Variants in CNTNAP5 observed in about 807,000 individuals in gnomAD.
The protein encoded by CNTNAP5 is contactin associated protein family member 5.
In CNTNAP5, 72 loss-of-function variants were observed where a neutral mutation model predicts 150.2. That is an observed-to-expected ratio of 0.48 (90% CI 0.40 to 0.58). The LOEUF is 0.58. Among genes scored for constraint, CNTNAP5 ranks in the 20% least tolerant of loss-of-function variants. The probability of loss-of-function intolerance (pLI) is 0.00; values close to 1 mark genes in which losing one functional copy is unlikely to be tolerated. For missense variants in CNTNAP5, 1,636 were observed against 1,626.2 expected (o/e 1.01, Z -0.10); for synonymous variants, 672 against 619.8 (o/e 1.08, Z -1.25).
intron 1 of CNTNAP5, among the ~76,000 whole-genome samples, chr2:124,038,073 A>G (rs932993437): frequency 5.3e-5 from 8 of 152,154 alleles, no homozygotes; most frequent in Non-Finnish European, 7.3e-5. Context: ...TTTTTACCCA[A>G]TAGGGATAGA....
chr2:124,055,909 G>T (rs573292381), intron 1 of CNTNAP5, among the ~76,000 whole-genome samples: 46 of 151,588 alleles, frequency 3.0e-4, no homozygotes, highest in African/African-American at 9.5e-4. Context: ...TCCCTCTCCC[G>T]CACCATCCAT....
At chr2:124,355,385 C>A (rs955116912) in intron 3 of CNTNAP5, among the ~76,000 whole-genome samples, 2 of 152,024 alleles carry the variant, frequency 1.3e-5, no homozygotes, top group African/African-American at 4.8e-5. Context: ...CTTTTCTTAC[C>A]CTAAACTTTC....
At chr2:124,909,067 T>C (rs933825085) in intron 22 of CNTNAP5, among the ~76,000 whole-genome samples, 5 of 152,118 alleles carry the variant, frequency 3.3e-5, no homozygotes, top group African/African-American at 1.2e-4. Flanking sequence ...ATAAATGTAG[T>C]GTAGCCTAAG....
rs570594994 is a variant in CNTNAP5, at chr2:124,534,132, G to T, written c.1649+6676G>T. The stretch of plus-strand genomic sequence containing the variant: ...TAGATAACATGGACATACAGACTTA[G>T]AGAGTGTGGAATGATAGGCCATGGA... On this transcript the variant is annotated intron_variant, in intron 10 of 23. Transcript: ENST00000682447. Among the ~76,000 whole-genome samples, 11 of 152,280 alleles carry T rather than the reference G, an allele frequency of 7.2e-5. 1 individual carries two copies. The South Asian group carries it at 2.3e-3, about 32-fold the overall frequency.
intron 3 of CNTNAP5, among the ~76,000 whole-genome samples, chr2:124,258,526 T>C (rs1014702269): frequency 9.2e-5 from 14 of 152,168 alleles, no homozygotes; most frequent in African/African-American, 3.4e-4. Flanking sequence ...CAGTACATTC[T>C]CTCACCCTTC....
intron 1 of CNTNAP5, among the ~76,000 whole-genome samples, chr2:124,217,993 T>C (rs965527808): frequency 6.6e-6 from 1 of 152,274 alleles, no homozygotes; most frequent in East Asian, 1.9e-4. Flanking sequence ...TAACCCTCAA[T>C]ATGCTTTCCA....
At chr2:124,540,928 G>A (rs1695367211) in intron 10 of CNTNAP5, among the ~76,000 whole-genome samples, 1 of 152,088 alleles carries the variant, frequency 6.6e-6, no homozygotes, top group African/African-American at 2.4e-5. Context: ...TGAGAGGAAG[G>A]CCACTTTATA....
intron 13 of CNTNAP5, among the ~76,000 whole-genome samples, chr2:124,666,828 C>T (rs773364451): frequency 5.9e-5 from 9 of 152,170 alleles, no homozygotes; most frequent in Non-Finnish European, 1.3e-4. Flanking sequence ...CGCATCCCAG[C>T]AGCTTGCGTT....
intron 3 of CNTNAP5, among the ~76,000 whole-genome samples, chr2:124,388,971 G>C (rs1429008748): frequency 1.3e-5 from 2 of 152,112 alleles, no homozygotes; most frequent in Non-Finnish European, 2.9e-5. Context: ...GACTTAACAG[G>C]GTTCATTCAT....
At chr2:124,099,047 CAAGG>C (rs1683004528) in intron 1 of CNTNAP5, among the ~76,000 whole-genome samples, 3 of 152,150 alleles carry the variant, frequency 2.0e-5, no homozygotes, top group Non-Finnish European at 4.4e-5. Flanking sequence ...GTGCAGTGCT[CAAGG>C]ACCTTCGTAA....
Position 124,409,685 on chromosome 2 carries a change from T to G in CNTNAP5, c.382-7758T>G, listed in dbSNP as rs1158147177. Among the ~76,000 whole-genome samples the G allele has an allele frequency of 2.1e-5, 3 of 140,636 alleles. No individual in the cohort carries two copies. In the Admixed American group the frequency reaches 2.2e-4, roughly 10 times the overall value. The allele number at this position is 140,636 out of a possible 152,430, so 92.3% of individuals were successfully genotyped here. A position where few individuals can be genotyped will look rare whatever the true frequency, so the allele number is the denominator to read the frequency against. On this transcript the variant is annotated intron_variant, in intron 3 of 23. Transcript: ENST00000682447. ...TACAGACAAGCAAATGCTGAGAGAT[T>G]TTGTCACCACCAGGCCTGCCCTAAA...
chr2:124,577,785 A>T (rs1696320299), intron 11 of CNTNAP5, among the ~76,000 whole-genome samples: 1 of 152,206 alleles, frequency 6.6e-6, no homozygotes, highest in Non-Finnish European at 1.5e-5. Context: ...CCTGTGGCAT[A>T]CATGGGATCT....
At chr2:124,547,100 A>T (rs937947023) in intron 10 of CNTNAP5, among the ~76,000 whole-genome samples, 6 of 152,018 alleles carry the variant, frequency 3.9e-5, no homozygotes, top group Non-Finnish European at 8.8e-5. Context: ...AACCCTAGAG[A>T]TAGCAAATAG....
At chr2:124,397,782 C>T (rs1299686282) in intron 3 of CNTNAP5, among the ~76,000 whole-genome samples, 1 of 152,150 alleles carries the variant, frequency 6.6e-6, no homozygotes, top group African/African-American at 2.4e-5. Context: ...TTCAAGGGAA[C>T]ATTCCTTCAA....
chr2:124,200,509 T>C (rs1685701304), intron 1 of CNTNAP5, among the ~76,000 whole-genome samples: 1 of 152,288 alleles, frequency 6.6e-6, no homozygotes, highest in South Asian at 2.1e-4. Flanking sequence ...TCTTCTAATA[T>C]GCTTTTATTT....
chr2:124,421,738 T>C (rs1307359801), intron 4 of CNTNAP5, among the ~76,000 whole-genome samples: 1 of 152,222 alleles, frequency 6.6e-6, no homozygotes, highest in Admixed American at 6.5e-5. Context: ...TAAAAGTCCT[T>C]GTTGAACAAT....
chr2:124,642,448 C>G (rs1678113412), intron 12 of CNTNAP5, among the ~76,000 whole-genome samples: 1 of 152,128 alleles, frequency 6.6e-6, no homozygotes, highest in Non-Finnish European at 1.5e-5. Flanking sequence ...CTTCACTTGA[C>G]GAAGCCATCC....
intron 1 of CNTNAP5, among the ~76,000 whole-genome samples, chr2:124,049,062 T>A (rs557464112): frequency 3.3e-5 from 5 of 152,194 alleles, no homozygotes; most frequent in Non-Finnish European, 1.5e-5. Flanking sequence ...TAGCCAAATA[T>A]CTCATCTCAC....
intron 1 of CNTNAP5, among the ~76,000 whole-genome samples, chr2:124,191,282 T>C (rs915361391): frequency 5.3e-5 from 8 of 152,198 alleles, no homozygotes; most frequent in African/African-American, 1.9e-4. Context: ...TTGGAGAAGA[T>C]CTCAAAGGAT....
Sources: gnomAD v4.1 joint callset for allele counts (sites outside exome capture counted in the v4.1 genomes callset) on GRCh38, gnomAD v4.1.1 for gene constraint, MANE v1.5 for transcripts, NCBI Gene and HGNC (gene_info 2026-07-23, HGNC 2026-07-21) for gene names.